The following EFHD2 variants were observed in gnomAD, a reference collection of about 807,000 sequenced individuals.
EFHD2 encodes the protein EF-hand domain-containing protein D2.
In EFHD2, 12 loss-of-function variants were observed where a neutral mutation model predicts 20.3. That is an observed-to-expected ratio of 0.59 (90% CI 0.38 to 0.96). The LOEUF (loss-of-function observed/expected upper bound fraction) is 0.96. Ranked by LOEUF, EFHD2 falls within the 40% of genes least tolerant of loss-of-function variation. The pLI, the probability that EFHD2 is intolerant of heterozygous loss-of-function variation, is 0.00. For synonymous variants in EFHD2, 131 were observed against 143.9 expected (o/e 0.91, Z 0.64); for missense variants, 250 against 334.3 (o/e 0.75, Z 1.97).
intron 1 of EFHD2, among the ~76,000 whole-genome samples, chr1:15,425,136 C>T (rs981562404): frequency 2.6e-4 from 39 of 152,144 alleles, no homozygotes; most frequent in African/African-American, 9.2e-4. Context: ...GAGATGTCCT[C>T]CAAGTGCCCA....
Position 15,426,023 on chromosome 1 carries a change from GC to G in EFHD2, c.456+8del. 6.4e-7 allele frequency: 1 copy of G among 1,569,444 alleles called. No homozygotes were observed. The highest frequency in any genetic ancestry group is 8.6e-7 in the Non-Finnish European group (1 of 1,160,482). On this transcript the variant is annotated splice_donor_region_variant and intron_variant, in intron 2 of 3. Transcript: ENST00000375980. This position sits in a 1 kb window ranked among gnomAD's most constrained non-coding sequence, Gnocchi z 4.6. Reference sequence around the variant, plus strand: ...AGCAAGCTGAGCTTCCGGGAGGTAAGCCCGGCCCCCAGCCCCACTCCCCTAC... The same window carrying G: ...AGCAAGCTGAGCTTCCGGGAGGTAAGCCGGCCCCCAGCCCCACTCCCCTAC...
At chr1:15,422,065 A>G (rs1707800588) in intron 1 of EFHD2, among the ~76,000 whole-genome samples, 1 of 146,942 alleles carries the variant, frequency 6.8e-6, no homozygotes, top group South Asian at 2.1e-4. Context: ...CTCCACTGGC[A>G]CTTGGGGCCA....
intron 3 of EFHD2, 52 bp from the exon 4 acceptor site, chr1:15,428,540 AC>A: frequency 1.3e-6 from 2 of 1,567,534 alleles, no homozygotes; most frequent in Non-Finnish European, 1.7e-6. Context: ...AGCACAGAGA[AC>A]CCCCAACATA....
At chr1:15,411,404 T>C (rs918612723) in intron 1 of EFHD2, among the ~76,000 whole-genome samples, 2 of 152,060 alleles carry the variant, frequency 1.3e-5, no homozygotes, top group Admixed American at 6.5e-5. Flanking sequence ...AATCTTAATG[T>C]CTCTGTGGAG....
chr1:15,424,566 C>T (rs377339108), intron 1 of EFHD2, among the ~76,000 whole-genome samples: 30 of 152,168 alleles, frequency 2.0e-4, no homozygotes, highest in African/African-American at 7.0e-4. Flanking sequence ...CCCCACCACC[C>T]CGCCAATCTC....
chr1:15,411,775 A>C (rs1290464366), intron 1 of EFHD2, among the ~76,000 whole-genome samples: 1 of 152,170 alleles, frequency 6.6e-6, no homozygotes. Context: ...TTGGCTGGGC[A>C]GGAGGTGGGG....
In EFHD2 at chr1:15,410,297, C is replaced by G; in HGVS notation, c.308+18C>G. The G allele has an allele frequency of 6.4e-7, 1 of 1,572,564 alleles. No individual in the cohort carries two copies. Among genetic ancestry groups the G allele is most frequent in the Non-Finnish European group, 8.6e-7 (1 of 1,163,062 alleles). ...TTCAAGCAGTAAGTGCCCGCGCGAC[C>G]CGGCCCCCCGCCCGCCCCGCGACCC... On this transcript the variant is annotated intron_variant, in intron 1 of 3. Coordinates refer to ENST00000375980, the MANE Select transcript of EFHD2 (RefSeq NM_024329.6).
At chr1:15,422,281 CAG>C (rs1707805542) in intron 1 of EFHD2, among the ~76,000 whole-genome samples, 1 of 151,562 alleles carries the variant, frequency 6.6e-6, no homozygotes, top group African/African-American at 2.4e-5. Flanking sequence ...TTAATAGAGA[CAG>C]GGTTTCACCA....
intron 1 of EFHD2, among the ~76,000 whole-genome samples, chr1:15,420,064 C>T (rs1333361935): frequency 6.6e-6 from 1 of 152,198 alleles, no homozygotes; most frequent in Non-Finnish European, 1.5e-5. Flanking sequence ...CATGTCCACC[C>T]CTGCCTCCAG....
At chr1:15,420,301 C>T in intron 1 of EFHD2, among the ~76,000 whole-genome samples, 1 of 152,154 alleles carries the variant, frequency 6.6e-6, no homozygotes, top group Non-Finnish European at 1.5e-5. Flanking sequence ...TCACTATGTG[C>T]CAGGCATTTT....
At chr1:15,421,900 G>A (rs987125080) in intron 1 of EFHD2, among the ~76,000 whole-genome samples, 7 of 152,052 alleles carry the variant, frequency 4.6e-5, no homozygotes, top group African/African-American at 1.7e-4. Context: ...GTTTAGTGAC[G>A]GTGATTCAAT....
Position 15,429,888 on chromosome 1 carries a change from T to C in EFHD2, c.*1164T>C, listed in dbSNP as rs1707939356. 1 of 152,744 alleles carries C rather than the reference T, an allele frequency of 6.5e-6. No individual in the cohort carries two copies. The highest frequency in any genetic ancestry group is 1.5e-5 in the Non-Finnish European group (1 of 68,082). The allele number at this position is 152,744 out of a possible 1,614,324, so 9.5% of individuals were successfully genotyped here. ...GTGCTTGCTGACATGCGTGTGCCTG[T>C]GTGTGGTGTCTGTTGCTGTGTCGTG... On this transcript the variant is annotated 3_prime_UTR_variant, in exon 4 of 4. Coordinates refer to ENST00000375980, the MANE Select transcript of EFHD2 (RefSeq NM_024329.6).
At position 15,425,902 on chromosome 1, in the gene EFHD2, C is replaced by G. The variant is rs146542005; in HGVS notation, c.340C>G (p.Leu114Val). ...YDAGRDGFIDLMELKLMMEKL... is the reference protein window; with the variant it reads ...YDAGRDGFIDVMELKLMMEKL... ...TGCCGGGCGGGACGGCTTCATCGAC[C>G]TGATGGAGCTAAAACTCATGATGGA... The change falls in exon 2 of 4, where the codon CTG (leucine) becomes GTG (valine). Residue 114 changes from leucine to valine, a missense_variant. This residue lies in a region of EFHD2 where 143 missense variants were observed against 190.6 expected (regional missense o/e 0.75). Transcript: ENST00000375980. 202 of 1,606,884 alleles carry G rather than the reference C, an allele frequency of 1.3e-4. No individual in the cohort carries two copies. The highest frequency in any genetic ancestry group is 4.9e-4 in the Middle Eastern group (3 of 6,066).
chr1:15,412,740 G>A (rs1707559569), intron 1 of EFHD2, among the ~76,000 whole-genome samples: 1 of 152,252 alleles, frequency 6.6e-6, no homozygotes, highest in South Asian at 2.1e-4. Context: ...CTGCAGTGTG[G>A]TTGGAAGTGG....
intron 3 of EFHD2, chr1:15,428,051 G>A (rs921753070): frequency 8.6e-6 from 4 of 463,854 alleles, no homozygotes; most frequent in African/African-American, 6.0e-5. Context: ...TAAGATCAGA[G>A]TTATTGGGTG....
chr1:15,430,014 T>G lies in EFHD2; in HGVS notation c.*1290T>G, dbSNP rs1397921411. ...ATAACGACGTCACTGCTTTTTAAACTCGATAACTCTTTATTTTAGTAAAAT... is the reference window on the plus strand; with the variant it reads ...ATAACGACGTCACTGCTTTTTAAACGCGATAACTCTTTATTTTAGTAAAAT... On this transcript the variant is annotated 3_prime_UTR_variant, in exon 4 of 4. Coordinates refer to ENST00000375980, the MANE Select transcript of EFHD2 (RefSeq NM_024329.6). 2 of 152,672 alleles carry G rather than the reference T, an allele frequency of 1.3e-5. No homozygotes were observed. The highest frequency in any genetic ancestry group is 4.8e-5 in the African/African-American group (2 of 41,464). 9.5% of individuals were successfully genotyped at this position (152,672 alleles called of 1,614,324 possible). A position where few individuals can be genotyped will look rare whatever the true frequency, so the allele number is the denominator to read the frequency against.
chr1:15,414,774 T>G (rs1369268980), intron 1 of EFHD2, among the ~76,000 whole-genome samples: 1 of 152,180 alleles, frequency 6.6e-6, no homozygotes, highest in East Asian at 1.9e-4. Context: ...CCACTCTGAT[T>G]GACAGCTACA....
chr1:15,427,414 G>C (rs964887625), intron 3 of EFHD2, 130 bp downstream of exon 3: 2 of 1,447,960 alleles, frequency 1.4e-6, no homozygotes, highest in African/African-American at 2.9e-5. Flanking sequence ...CTCCCTGCCA[G>C]GCTGGGCCAG....
chr1:15,422,616 C>CT (rs1330168804), intron 1 of EFHD2, among the ~76,000 whole-genome samples: 1 of 151,646 alleles, frequency 6.6e-6, no homozygotes, highest in Non-Finnish European at 1.5e-5. Flanking sequence ...AATCTCAGCA[C>CT]TTTGGGAGGC....
Sources: gnomAD v4.1 joint callset for allele counts (sites outside exome capture counted in the v4.1 genomes callset) on GRCh38, gnomAD v4.1.1 for gene constraint, gnomAD v4.1.1 regional missense constraint, Gnocchi (gnomAD v3.1) non-coding constraint, MANE v1.5 for transcripts, NCBI Gene and HGNC (gene_info 2026-07-23, HGNC 2026-07-21) for gene names.